Variants in PON3 observed in about 807,000 individuals in gnomAD.
PON3 encodes serum paraoxonase/lactonase 3.
PON3 carries 37 observed loss-of-function variants against 36.3 expected under a neutral mutation model. The observed-to-expected ratio is 1.02, with a 90% CI of 0.78 to 1.34. The LOEUF (loss-of-function observed/expected upper bound fraction) is 1.34. PON3 is among the 40% of genes most tolerant of loss of function. The pLI, the probability that PON3 is intolerant of heterozygous loss-of-function variation, is 0.00. For missense variants in PON3, 415 were observed against 426.5 expected (o/e 0.97, Z 0.24); for synonymous variants, 155 against 154.8 (o/e 1.00, Z -0.01).
intron 2 of PON3, among the ~76,000 whole-genome samples, chr7:95,392,001 T>C (rs567721042): frequency 5.6e-4 from 85 of 152,298 alleles, no homozygotes; most frequent in African/African-American, 1.8e-3. Context: ...TTCCGGACCA[T>C]TGGGCAAGCA....
At chr7:95,374,599 T>C (rs954904460) in intron 3 of PON3, among the ~76,000 whole-genome samples, 1 of 152,196 alleles carries the variant, frequency 6.6e-6, no homozygotes, top group African/African-American at 2.4e-5. Flanking sequence ...CATCACCTGA[T>C]CTTATTGCCT....
chr7:95,380,867 C>G (rs1446792208), intron 3 of PON3, among the ~76,000 whole-genome samples: 1 of 152,120 alleles, frequency 6.6e-6, no homozygotes, highest in African/African-American at 2.4e-5. Context: ...CAAAGATATT[C>G]CTCGAGAACA....
At chr7:95,385,965 A>G (rs995077165) in intron 3 of PON3, among the ~76,000 whole-genome samples, 2 of 152,226 alleles carry the variant, frequency 1.3e-5, no homozygotes, top group African/African-American at 2.4e-5. Flanking sequence ...AGGAAGCAGG[A>G]AAGATCTAAA....
chr7:95,379,479 C>G (rs931478818), intron 3 of PON3, among the ~76,000 whole-genome samples: 1 of 152,240 alleles, frequency 6.6e-6, no homozygotes, highest in Non-Finnish European at 1.5e-5. Flanking sequence ...ACAGACGGCA[C>G]CTGGAAAATC....
In PON3 at chr7:95,396,369, G is replaced by C. The variant is rs1220534032; in HGVS notation, c.-19C>G. 1.9e-6 allele frequency: 3 copies of C among 1,613,160 alleles called. No homozygotes were observed. The highest frequency in any genetic ancestry group is 2.2e-5 in the East Asian group (1 of 44,826). On this transcript the variant is annotated 5_prime_UTR_variant, in exon 1 of 9. Transcript: ENST00000265627. ...TCCCCATGGTCTCGGGGTGCCCAGC[G>C]GCGACTGCGCGGCGCCGAGAGCTCT...
intron 4 of PON3, 40 bp downstream of exon 4, chr7:95,372,133 T>C (rs1409389327): frequency 1.3e-6 from 2 of 1,585,592 alleles, no homozygotes; most frequent in Non-Finnish European, 1.7e-6. Flanking sequence ...GGTTTCTATT[T>C]CCCTCATTTC....
At chr7:95,363,723 G>T in intron 6 of PON3, 140 bp downstream of exon 6, 1 of 845,958 alleles carries the variant, frequency 1.2e-6, no homozygotes, top group Non-Finnish European at 2.0e-6. Context: ...GACAGATTTA[G>T]TGTGAACCCT....
At chr7:95,396,011 G>C (rs1046551106) in intron 1 of PON3, 4 of 509,460 alleles carry the variant, frequency 7.9e-6, no homozygotes, top group Non-Finnish European at 1.4e-5. Context: ...AGTAAAAGGG[G>C]GTCATGACCT....
At chr7:95,395,917 C>G (rs1809422080) in intron 1 of PON3, 2 of 347,570 alleles carry the variant, frequency 5.8e-6, no homozygotes, top group African/African-American at 2.1e-5. Context: ...TCCTCTCTCC[C>G]AAGTCCGGCG....
intron 2 of PON3, 66 bp downstream of exon 2, chr7:95,394,578 G>A: frequency 7.2e-7 from 1 of 1,395,308 alleles, no homozygotes; most frequent in South Asian, 1.2e-5. Context: ...GAGCTGGTAG[G>A]GCTCAGTCAG....
chr7:95,380,606 T>C (rs918240717), intron 3 of PON3, among the ~76,000 whole-genome samples: 1 of 152,110 alleles, frequency 6.6e-6, no homozygotes, highest in Non-Finnish European at 1.5e-5. Flanking sequence ...GTAACAATGA[T>C]TGAAGATCAA....
chr7:95,373,783 T>A (rs770060690), intron 3 of PON3, among the ~76,000 whole-genome samples: 1 of 152,172 alleles, frequency 6.6e-6, no homozygotes, highest in Non-Finnish European at 1.5e-5. Flanking sequence ...GATTTCCTCA[T>A]GTCTCACTTC....
In PON3 at chr7:95,359,979, C is replaced by A; in HGVS notation, c.1059G>T (p.Glu353Asp). ...GTVFHKTLYCEL is the reference protein window; with the variant it reads ...GTVFHKTLYCDL Reference sequence around the variant, plus strand: ...TTTTTTTACTATCTAGAGTCTAGAGCTCACAGTACAGAGTTTTGTGAAATA... The same window carrying A: ...TTTTTTTACTATCTAGAGTCTAGAGATCACAGTACAGAGTTTTGTGAAATA... The change falls in exon 9 of 9, where the codon GAG becomes GAT. Residue 353 changes from glutamate (E) to aspartate (D), a missense_variant. Physicochemically the swap from Glu to Asp is conservative, Grantham distance 45. Coordinates refer to ENST00000265627, the MANE Select transcript of PON3 (RefSeq NM_000940.3). 6.2e-7 allele frequency: 1 copy of A among 1,606,924 alleles called. No homozygotes were observed. The highest frequency in any genetic ancestry group is 8.5e-7 in the Non-Finnish European group (1 of 1,176,696).
chr7:95,360,179 G>C, intron 8 of PON3, 48 bp from the exon 9 acceptor site: 1 of 1,482,608 alleles, frequency 6.7e-7, no homozygotes, highest in Non-Finnish European at 9.4e-7. Context: ...GTAAACACCT[G>C]TTTCATGATG....
intron 5 of PON3, 135 bp from the exon 6 acceptor site, chr7:95,364,198 A>G: frequency 1.4e-6 from 1 of 731,424 alleles, no homozygotes; most frequent in Non-Finnish European, 2.4e-6. Context: ...AGTATGGATT[A>G]AGGAATTCCA....
intron 3 of PON3, among the ~76,000 whole-genome samples, chr7:95,386,106 C>T (rs1336636853): frequency 6.6e-6 from 1 of 151,934 alleles, no homozygotes; most frequent in African/African-American, 2.4e-5. Context: ...TCAAAAGCTA[C>T]CAGAAGGCAA....
At chr7:95,394,831 G>A (rs753497090) in intron 1 of PON3, 117 bp from the exon 2 acceptor site, 1 of 822,852 alleles carries the variant, frequency 1.2e-6, no homozygotes, top group Non-Finnish European at 2.1e-6. Flanking sequence ...ATTTATGAAT[G>A]ACATAACAAG....
At chr7:95,362,569 A>C in intron 7 of PON3, 79 bp from the exon 8 acceptor site, 2 of 1,597,228 alleles carry the variant, frequency 1.3e-6, no homozygotes, top group Non-Finnish European at 1.7e-6. Flanking sequence ...CACAACCCCT[A>C]CAGCTTCTTC....
At chr7:95,372,771 T>C (rs145011981) in intron 3 of PON3, among the ~76,000 whole-genome samples, 7 of 152,318 alleles carry the variant, frequency 4.6e-5, no homozygotes. Flanking sequence ...AAGGGGTGTA[T>C]AGTTTAATTG....
Sources: allele counts gnomAD v4.1 joint callset (sites outside exome capture counted in the v4.1 genomes callset), GRCh38; gene constraint gnomAD v4.1.1; transcripts MANE v1.5; gene names NCBI Gene and HGNC (gene_info 2026-07-23, HGNC 2026-07-21).